OR6C2: variants seen among roughly 807,000 people sequenced by gnomAD.
The protein encoded by OR6C2 is olfactory receptor 6C2.
For synonymous variants in OR6C2, 146 were observed against 134.2 expected (o/e 1.09, Z -0.61); for missense variants, 435 against 365.8 (o/e 1.19, Z -1.54).
chr12:55,450,361 A>C (rs1871444456), intron 1 of OR6C2, among the ~76,000 whole-genome samples: 1 of 152,152 alleles, frequency 6.6e-6, no homozygotes, highest in South Asian at 2.1e-4. Flanking sequence ...AAGAATTGCA[A>C]GTAGTCAATG....
intron 1 of OR6C2, among the ~76,000 whole-genome samples, chr12:55,450,223 G>T (rs1871441965): frequency 6.6e-6 from 1 of 151,972 alleles, no homozygotes; most frequent in African/African-American, 2.4e-5. Flanking sequence ...TAAGTACTTG[G>T]GAAAAGACAC....
At chr12:55,446,224 A>C (rs1871359248) in intron 1 of OR6C2, among the ~76,000 whole-genome samples, 2 of 151,868 alleles carry the variant, frequency 1.3e-5, no homozygotes, top group Admixed American at 1.3e-4. Flanking sequence ...ATCTTGGCTC[A>C]TCGCAACCTC....
chr12:55,451,237 T>G (rs1871463143), intron 1 of OR6C2, 90 bp from the exon 2 acceptor site: 1 of 152,032 alleles, frequency 6.6e-6, no homozygotes, highest in East Asian at 1.9e-4. Flanking sequence ...AGTGTCCCTA[T>G]TGTGCTATCA....
At chr12:55,450,807 C>A (rs1871454195) in intron 1 of OR6C2, among the ~76,000 whole-genome samples, 1 of 151,932 alleles carries the variant, frequency 6.6e-6, no homozygotes, top group Non-Finnish European at 1.5e-5. Context: ...GAAAGAATAT[C>A]AGTATTAGAC....
chr12:55,450,425 A>G (rs1326036555), intron 1 of OR6C2, among the ~76,000 whole-genome samples: 1 of 152,112 alleles, frequency 6.6e-6, no homozygotes, highest in Non-Finnish European at 1.5e-5. Context: ...AAGTGATGAG[A>G]TGGGAAAATC....
chr12:55,448,500 G>A, intron 1 of OR6C2, among the ~76,000 whole-genome samples: 1 of 138,332 alleles, frequency 7.2e-6, no homozygotes, highest in Non-Finnish European at 1.6e-5. Context: ...ACATAGCAAA[G>A]AAACTTAACC....
chr12:55,452,378 T>G lies in OR6C2; in HGVS notation c.165T>G (p.Thr55=). 6.2e-7 allele frequency: 1 copy of G among 1,613,686 alleles called. No homozygotes were observed. The highest frequency in any genetic ancestry group is 8.5e-7 in the Non-Finnish European group (1 of 1,179,808). ...CATTGGTGGACCACCACCTTAAAACTCCTATGTACTTCTTTCTCAGAAATT... is the reference window on the plus strand; with the variant it reads ...CATTGGTGGACCACCACCTTAAAACGCCTATGTACTTCTTTCTCAGAAATT... ...TLTLVDHHLK[T]PMYFFLRNFS... The change falls in exon 2 of 2, where the codon ACT becomes ACG. Residue 55 remains threonine (T), a synonymous_variant. Coordinates refer to ENST00000641202, the MANE Select transcript of OR6C2 (RefSeq NM_054105.2).
At chr12:55,446,327 T>G (rs567927622) in intron 1 of OR6C2, among the ~76,000 whole-genome samples, 1 of 152,168 alleles carries the variant, frequency 6.6e-6, no homozygotes, top group South Asian at 2.1e-4. Context: ...TTTTGTATTT[T>G]TAGTAGAGAT....
rs573337010 is a variant in OR6C2 at position 55,451,856 on chromosome 12, G to T, written c.-358G>T. On this transcript the variant is annotated 5_prime_UTR_variant, in exon 2 of 2. The change abolishes an upstream ATG in the 5' untranslated region. Coordinates refer to ENST00000641202, the MANE Select transcript of OR6C2 (RefSeq NM_054105.2). Reference sequence around the variant, plus strand: ...TCAGAGTTTGTCCTGGACAAAAAATGTTTAAGTACCTATAAAATGACATCA... The same window carrying T: ...TCAGAGTTTGTCCTGGACAAAAAATTTTTAAGTACCTATAAAATGACATCA... 2 of 184,210 alleles carry T rather than the reference G, an allele frequency of 1.1e-5. No individual in the cohort carries two copies. Among genetic ancestry groups the T allele is most frequent in the East Asian group, 2.9e-4 (2 of 6,906 alleles). 11.4% of individuals were successfully genotyped at this position (184,210 alleles called of 1,614,324 possible).
At chr12:55,447,289 A>G (rs1871380712) in intron 1 of OR6C2, among the ~76,000 whole-genome samples, 1 of 151,540 alleles carries the variant, frequency 6.6e-6, no homozygotes, top group Non-Finnish European at 1.5e-5. Flanking sequence ...TGTGAGTCTT[A>G]AGTTAGTTTT....
chr12:55,449,006 C>T (rs1397874451), intron 1 of OR6C2, among the ~76,000 whole-genome samples: 1 of 151,818 alleles, frequency 6.6e-6, no homozygotes, highest in Non-Finnish European at 1.5e-5. Context: ...AATGAACCTT[C>T]TAATATGTGT....
chr12:55,445,995 C>A (rs1434257960), intron 1 of OR6C2, among the ~76,000 whole-genome samples: 1 of 152,166 alleles, frequency 6.6e-6, no homozygotes, highest in Admixed American at 6.5e-5. Flanking sequence ...ATACTTGTGA[C>A]AAATGTCTTT....
chr12:55,444,622 G>A lies in OR6C2; in HGVS notation c.-888+463G>A, dbSNP rs145461444. ...ACTAAGACCGAGAGACCTTTGTGTT[G>A]TTGCTCATGATGCACTGCACTGCAC... On this transcript the variant is annotated intron_variant, in intron 1 of 1. Transcript: ENST00000641202. Among the ~76,000 whole-genome samples, 814 of 152,226 alleles carry A rather than the reference G, an allele frequency of 5.3e-3. 5 individuals are homozygous for A. The highest frequency in any genetic ancestry group is 0.018 in the African/African-American group (760 of 41,540).
Position 55,452,868 on chromosome 12 carries a change from A to G in OR6C2, c.655A>G (p.Ile219Val), listed in dbSNP as rs190738237. 54 of 1,613,858 alleles carry G rather than the reference A, an allele frequency of 3.3e-5. No homozygotes were observed. In the Admixed American group the frequency reaches 4.5e-4, roughly 13 times the overall value. The change falls in exon 2 of 2, where the codon ATA becomes GTA. Residue 219 changes from isoleucine to valine, a missense_variant. By Grantham distance (29) the Ile-to-Val change is conservative (BLOSUM62 3). Transcript: ENST00000641202. ...TTGTGTGATTCTGTCCTACTTGTAC[A>G]TAGTCAGAACAATTCTGAAGTTCCC... ...LVCVILSYLY[I>V]VRTILKFPSV... is the part of the protein sequence containing the mutation.
Position 55,451,478 on chromosome 12 carries a change from G to A in OR6C2, c.-736G>A, listed in dbSNP as rs1412537903. Reference sequence around the variant, plus strand: ...AGCCTAGAAGACTATATTTAGTGGTGTTAAATGTAGATTTGCTTCTGGAGC... The same window carrying A: ...AGCCTAGAAGACTATATTTAGTGGTATTAAATGTAGATTTGCTTCTGGAGC... On this transcript the variant is annotated 5_prime_UTR_variant, in exon 2 of 2. Coordinates refer to ENST00000641202, the MANE Select transcript of OR6C2 (RefSeq NM_054105.2). 1 of 152,064 alleles carries A rather than the reference G, an allele frequency of 6.6e-6. No individual in the cohort carries two copies. The highest frequency in any genetic ancestry group is 1.5e-5 in the Non-Finnish European group (1 of 67,984). The allele number at this position is 152,064 out of a possible 1,614,324, so 9.4% of individuals were successfully genotyped here. A position where few individuals can be genotyped will look rare whatever the true frequency, so the allele number is the denominator to read the frequency against.
chr12:55,452,153 A>T lies in OR6C2; in HGVS notation c.-61A>T. The stretch of plus-strand genomic sequence containing the variant: ...TATCCTTTTGCTATAGAATTCAAAT[A>T]TCTACCCCCTCATAAACCGTGATTT... On this transcript the variant is annotated 5_prime_UTR_variant, in exon 2 of 2. Coordinates refer to ENST00000641202, the MANE Select transcript of OR6C2 (RefSeq NM_054105.2). 9.2e-7 allele frequency: 1 copy of T among 1,089,802 alleles called. No individual in the cohort carries two copies. The highest frequency in any genetic ancestry group is 1.3e-6 in the Non-Finnish European group (1 of 752,052). The allele number at this position is 1,089,802 out of a possible 1,614,324, so 67.5% of individuals were successfully genotyped here.
rs540022859 is a variant in OR6C2 at position 55,453,247 on chromosome 12, T to C, written c.*95T>C. The C allele has an allele frequency of 1.2e-6, 1 of 824,910 alleles. No individual in the cohort carries two copies. Among genetic ancestry groups the C allele is most frequent in the African/African-American group, 1.7e-5 (1 of 57,680 alleles). 51.1% of individuals were successfully genotyped at this position (824,910 alleles called of 1,614,324 possible). ...ATTTCATTGCTTCCTGACTACAGTT[T>C]AGTCATGTGAACCTTCTCAATGACA... On this transcript the variant is annotated 3_prime_UTR_variant, in exon 2 of 2. Transcript: ENST00000641202.
In OR6C2 at chr12:55,452,787, GTAA is replaced by G. The variant is rs764810650; in HGVS notation, c.577_579del (p.Ile193del). On this transcript the variant is annotated inframe_deletion, in exon 2 of 2. Transcript: ENST00000641202. ...AAAGATCTCATGCTCAGATACATGG[GTAA>G]TAGAACAGATGGTTATACTTATGGC... is the stretch of plus-strand genomic sequence containing the variant. The G allele has an allele frequency of 6.8e-6, 11 of 1,613,708 alleles. No homozygotes were observed. Among genetic ancestry groups the G allele is most frequent in the Non-Finnish European group, 9.3e-6 (11 of 1,179,760 alleles).
intron 1 of OR6C2, among the ~76,000 whole-genome samples, chr12:55,449,578 A>C (rs1717512624): frequency 6.6e-6 from 1 of 151,922 alleles, no homozygotes; most frequent in African/African-American, 2.4e-5. Flanking sequence ...TTTTTCCATA[A>C]GAGAATCCGA....
Sources: allele counts gnomAD v4.1 joint callset (sites outside exome capture counted in the v4.1 genomes callset), GRCh38; gene constraint gnomAD v4.1.1; transcripts MANE v1.5; gene names NCBI Gene and HGNC (gene_info 2026-07-23, HGNC 2026-07-21).